The following RANBP3 variants were observed in gnomAD, a reference collection of about 807,000 sequenced individuals.
RANBP3 encodes ran-binding protein 3.
A neutral mutation model predicts 77.3 loss-of-function variants in RANBP3; 14 were observed. The observed-to-expected ratio is 0.18, with a 90% CI of 0.12 to 0.28. RANBP3 has a LOEUF of 0.28. RANBP3 is among the 10% of genes least tolerant of loss of function. The pLI is 1.00. For synonymous variants in RANBP3, 315 were observed against 312.4 expected, an observed-to-expected ratio of 1.01 and a Z score of -0.09; for missense variants, 586 against 752.3, an observed-to-expected ratio of 0.78 and a Z score of 2.59.
At chr19:5,942,700 CAA>C (rs11298054) in intron 3 of RANBP3, among the ~76,000 whole-genome samples, 2,600 of 90,812 alleles carry the variant, frequency 0.029, 75 homozygotes, top group African/African-American at 0.1. Flanking sequence ...GACTCTGTCT[CAA>C]AAAAAAAAAA....
rs1229575461 is a variant in RANBP3 at position 5,921,637 on chromosome 19, T to C, written c.1210-316A>G. The stretch of plus-strand genomic sequence containing the variant: ...ACACACTGCTGGCGGGAAGGCCGCA[T>C]GGTGCCACTGCTGTGGAAGAGTCTG... On this transcript the variant is annotated intron_variant, in intron 13 of 16. Coordinates refer to ENST00000340578, the MANE Select transcript of RANBP3 (RefSeq NM_007322.3). The surrounding 1 kb of genome is among the most constrained non-coding windows in gnomAD (Gnocchi z 5.3). Among the ~76,000 whole-genome samples the C allele has an allele frequency of 6.6e-6, 1 of 152,266 alleles. No homozygotes were observed. Among genetic ancestry groups the C allele is most frequent in the Non-Finnish European group, 1.5e-5 (1 of 68,052 alleles).
At chr19:5,963,821 C>G (rs767939507) in intron 1 of RANBP3, among the ~76,000 whole-genome samples, 1 of 152,160 alleles carries the variant, frequency 6.6e-6, no homozygotes, top group Non-Finnish European at 1.5e-5. Context: ...CACTGTGCAC[C>G]AAGTCCCACA....
intron 8 of RANBP3, among the ~76,000 whole-genome samples, chr19:5,929,339 G>C (rs986096772): frequency 6.6e-6 from 1 of 152,278 alleles, no homozygotes; most frequent in African/African-American, 2.4e-5. Flanking sequence ...GGGGCCGCCT[G>C]CATCCCGTCC....
chr19:5,961,137 AAC>A (rs1368508323), intron 1 of RANBP3, among the ~76,000 whole-genome samples: 1 of 152,174 alleles, frequency 6.6e-6, no homozygotes, highest in African/African-American at 2.4e-5. Context: ...ACTATCATGA[AAC>A]ACACACTTAA....
intron 1 of RANBP3, 59 bp downstream of exon 1, chr19:5,978,002 T>G (rs1195595995): frequency 6.2e-7 from 1 of 1,602,618 alleles, no homozygotes; most frequent in Non-Finnish European, 8.5e-7. Flanking sequence ...TTGTGGCCCC[T>G]AGTCCTCCCG....
chr19:5,923,748 T>C lies in RANBP3; in HGVS notation c.1099+64A>G, dbSNP rs992300919. The C allele has an allele frequency of 1.8e-5, 25 of 1,360,828 alleles. No individual in the cohort carries two copies. In the African/African-American group the frequency reaches 2.6e-4, roughly 14 times the overall value. The allele number at this position is 1,360,828 out of a possible 1,614,324, so 84.3% of individuals were successfully genotyped here. A position where few individuals can be genotyped will look rare whatever the true frequency, so the allele number is the denominator to read the frequency against. On this transcript the variant is annotated intron_variant, in intron 12 of 16. Transcript: ENST00000340578. ...TATCCCTCCCGGCTGGGGGTGTGAATGGACCCAGCATCCCCCAAGATGACC... is the reference window on the plus strand; with the variant it reads ...TATCCCTCCCGGCTGGGGGTGTGAACGGACCCAGCATCCCCCAAGATGACC...
intron 2 of RANBP3, among the ~76,000 whole-genome samples, chr19:5,957,008 C>T (rs1225846095): frequency 1.3e-5 from 2 of 150,374 alleles, no homozygotes; most frequent in African/African-American, 4.9e-5. Context: ...ACTGCTGCAG[C>T]GGGTATGAGG....
At chr19:5,931,270 C>A in intron 8 of RANBP3, 134 bp downstream of exon 8, 1 of 1,013,900 alleles carries the variant, frequency 9.9e-7, no homozygotes, top group Non-Finnish European at 1.4e-6. Flanking sequence ...ATCCAGAGAG[C>A]CTTACAATAG....
intron 1 of RANBP3, among the ~76,000 whole-genome samples, chr19:5,969,752 GAC>G (rs2058509282): frequency 6.6e-6 from 1 of 152,240 alleles, no homozygotes; most frequent in Admixed American, 6.5e-5. Context: ...GTGCAGCCAG[GAC>G]TCAGGCATCC....
At chr19:5,932,714 G>A (rs1272249791) in intron 6 of RANBP3, 170 bp from the exon 7 acceptor site, 2 of 590,338 alleles carry the variant, frequency 3.4e-6, no homozygotes, top group African/African-American at 3.8e-5. Context: ...CAGGAGATCT[G>A]GCTACTGTTA....
rs761686180 is a variant in RANBP3 at position 5,932,477 on chromosome 19, C to A, written c.540G>T (p.Pro180=). 5.6e-6 allele frequency: 9 copies of A among 1,613,844 alleles called. No homozygotes were observed. The highest frequency in any genetic ancestry group is 7.6e-6 in the Non-Finnish European group (9 of 1,179,982). ...CAGTCTGGGACAGCGCCTTTGGCTGCGGAGCTTGTAACACTGCCGGGCGAA... is the reference window on the plus strand; with the variant it reads ...CAGTCTGGGACAGCGCCTTTGGCTGAGGAGCTTGTAACACTGCCGGGCGAA... ...SVLRPAVLQA[P]QPKALSQTVP... is the part of the protein sequence containing the mutation. Residue 180 remains proline, a synonymous_variant, in exon 7 of 17, where the codon CCG becomes CCT. Coordinates refer to ENST00000340578, the MANE Select transcript of RANBP3 (RefSeq NM_007322.3).
intron 13 of RANBP3, among the ~76,000 whole-genome samples, chr19:5,922,583 G>T (rs2057837059): frequency 6.6e-6 from 1 of 152,196 alleles, no homozygotes; most frequent in Admixed American, 6.5e-5. Context: ...TAATACAGTT[G>T]CCAGCTCTGG....
intron 8 of RANBP3, among the ~76,000 whole-genome samples, chr19:5,929,218 C>T (rs985404307): frequency 1.1e-4 from 16 of 152,244 alleles, no homozygotes; most frequent in African/African-American, 2.7e-4. Context: ...GCTGACTTCA[C>T]GCTGCATCCT....
At chr19:5,962,562 C>T (rs2058417121) in intron 1 of RANBP3, 1 of 421,876 alleles carries the variant, frequency 2.4e-6, no homozygotes, top group African/African-American at 2.0e-5. Flanking sequence ...CAGGGCTCTC[C>T]AGAGGAACGG....
rs953975529 is a variant in RANBP3 at position 5,917,485 on chromosome 19, G to C, written c.*125C>G. The C allele has an allele frequency of 8.9e-7, 1 of 1,125,442 alleles. No homozygotes were observed. The highest frequency in any genetic ancestry group is 1.6e-5 in the African/African-American group (1 of 63,818). 69.7% of individuals were successfully genotyped at this position (1,125,442 alleles called of 1,614,324 possible). A position where few individuals can be genotyped will look rare whatever the true frequency, so the allele number is the denominator to read the frequency against. The stretch of plus-strand genomic sequence containing the variant: ...AACAGGACGTGCGGGTCCAGACTGT[G>C]GCCGGCCCAGTGGGGTGTGTGGTTC... On this transcript the variant is annotated 3_prime_UTR_variant, in exon 17 of 17. Transcript: ENST00000340578.
chr19:5,918,185 T>A (rs930301381), intron 15 of RANBP3, among the ~76,000 whole-genome samples: 1 of 152,054 alleles, frequency 6.6e-6, no homozygotes, highest in Non-Finnish European at 1.5e-5. Context: ...GAGGTCAGGG[T>A]TGGTGGACTC....
chr19:5,935,637 C>T (rs762828225), intron 5 of RANBP3: 3 of 449,112 alleles, frequency 6.7e-6, no homozygotes, highest in East Asian at 7.0e-5. Flanking sequence ...GGGGCTGGCC[C>T]GAGCTGCCAA....
chr19:5,925,844 T>C (rs937038871), intron 9 of RANBP3, 107 bp from the exon 10 acceptor site: 12 of 849,136 alleles, frequency 1.4e-5, no homozygotes, highest in Admixed American at 6.1e-5. Flanking sequence ...CTCGGAGCCA[T>C]GAACCCTCTC....
At chr19:5,936,541 C>T (rs139311381) in intron 5 of RANBP3, among the ~76,000 whole-genome samples, 405 of 152,306 alleles carry the variant, frequency 2.7e-3, no homozygotes, top group Non-Finnish European at 4.9e-3. Flanking sequence ...CAGTACCGCA[C>T]GGAGTGATTT....
Sources: allele counts gnomAD v4.1 joint callset (sites outside exome capture counted in the v4.1 genomes callset), GRCh38; gene constraint gnomAD v4.1.1; non-coding constraint Gnocchi (gnomAD v3.1); transcripts MANE v1.5; gene names NCBI Gene and HGNC (gene_info 2026-07-23, HGNC 2026-07-21).